Variants in LRP1B observed in about 807,000 individuals in gnomAD.
LRP1B encodes the protein low-density lipoprotein receptor-related protein 1B.
In LRP1B, 217 loss-of-function variants were observed where a neutral mutation model predicts 556.6. That is an observed-to-expected ratio of 0.39 (90% confidence interval 0.35 to 0.44). The LOEUF (loss-of-function observed/expected upper bound fraction) is 0.44, where lower values mean the gene tolerates loss of function less well. Ranked by LOEUF, LRP1B falls within the 20% of genes least tolerant of loss-of-function variation. The probability of loss-of-function intolerance (pLI) is 1.00; values close to 1 mark genes in which losing one functional copy is unlikely to be tolerated. For missense variants in LRP1B, 5,053 were observed against 5,620.8 expected (o/e 0.90, Z 3.23); for synonymous variants, 2,047 against 1,865.8 (o/e 1.10, Z -2.50).
At chr2:140,668,640 A>G (rs1574218176) in intron 41 of LRP1B, among the ~76,000 whole-genome samples, 3 of 152,242 alleles carry the variant, frequency 2.0e-5, no homozygotes, top group African/African-American at 7.2e-5. Flanking sequence ...AATAAACATA[A>G]ATTTTATTTA....
chr2:140,671,413 T>C (rs919762590), intron 41 of LRP1B, among the ~76,000 whole-genome samples: 7 of 152,092 alleles, frequency 4.6e-5, no homozygotes, highest in African/African-American at 9.7e-5. Flanking sequence ...ACCAGCTACT[T>C]GGGAGGCTGA....
In LRP1B at chr2:141,062,069, A is replaced by G. The variant is rs1699351272; in HGVS notation, c.1218T>C (p.Thr406=). 6.2e-7 allele frequency: 1 copy of G among 1,611,646 alleles called. No individual in the cohort carries two copies. The highest frequency in any genetic ancestry group is 8.5e-7 in the Non-Finnish European group (1 of 1,178,352). ...VVDYQGKNRH[T]VIQGRQVRHL... is the part of the protein sequence containing the mutation. The stretch of plus-strand genomic sequence containing the variant: ...TACTTACTTGTCTGCCTTGAATGAC[A>G]GTGTGTCTATTTTTTCCTTGATAGT... Residue 406 remains threonine, a synonymous_variant, in exon 8 of 91, where the codon ACT becomes ACC. Coordinates refer to ENST00000389484, the MANE Select transcript of LRP1B (RefSeq NM_018557.3).
chr2:141,055,223 A>T lies in LRP1B; in HGVS notation c.1445T>A (p.Met482Lys), dbSNP rs2105456097. The change falls in exon 10 of 91, where the codon ATG becomes AAG. Residue 482 changes from methionine (M) to lysine (K), a missense_variant. Met to Lys is a moderately conservative substitution (Grantham distance 95, BLOSUM62 -1). This residue lies in a region of LRP1B where 3,619 missense variants were observed against 3,931.9 expected (regional missense o/e 0.92). Transcript: ENST00000389484. ...ACAGATGTGTGAACAGCCCCCTGGC[A>T]TTCCATATGGATCGACTTCACATGC... ...SHACEVDPYG[M>K]PGGCSHICLL... 1 of 1,611,482 alleles carries T rather than the reference A, an allele frequency of 6.2e-7. No homozygotes were observed. The highest frequency in any genetic ancestry group is 8.5e-7 in the Non-Finnish European group (1 of 1,178,584).
chr2:140,866,178 G>A (rs1441742454), intron 27 of LRP1B, among the ~76,000 whole-genome samples: 1 of 152,056 alleles, frequency 6.6e-6, no homozygotes. Flanking sequence ...ATACAGTTGT[G>A]TAAATAATTT....
intron 2 of LRP1B, among the ~76,000 whole-genome samples, chr2:141,544,722 G>C (rs971943468): frequency 6.6e-6 from 1 of 151,908 alleles, no homozygotes; most frequent in African/African-American, 2.4e-5. Context: ...CTGGAGTGCA[G>C]TGGGATGATC....
intron 32 of LRP1B, among the ~76,000 whole-genome samples, chr2:140,781,208 T>G (rs897620933): frequency 1.6e-4 from 25 of 152,156 alleles, no homozygotes; most frequent in African/African-American, 5.8e-4. Context: ...CAAGGACCAT[T>G]AGGACTCAGA....
chr2:141,368,851 A>G (rs72979101), intron 3 of LRP1B, among the ~76,000 whole-genome samples: 9,722 of 152,190 alleles, frequency 0.064, 427 homozygotes, highest in African/African-American at 0.11. Flanking sequence ...ACAGGTGCAT[A>G]GTATTAATAA....
chr2:140,256,425 GTTTTC>G (rs1195060551), intron 86 of LRP1B, among the ~76,000 whole-genome samples: 3 of 68,536 alleles, frequency 4.4e-5, no homozygotes, highest in African/African-American at 1.5e-4. Flanking sequence ...TGGTTTTATG[GTTTTC>G]TTTTCTCTTT....
chr2:140,843,484 G>A (rs866391218), intron 29 of LRP1B, among the ~76,000 whole-genome samples: 1 of 151,884 alleles, frequency 6.6e-6, no homozygotes, highest in Non-Finnish European at 1.5e-5. Context: ...TTTCCATATA[G>A]CGTGACTATA....
At chr2:141,306,836 T>A (rs1686609561) in intron 3 of LRP1B, among the ~76,000 whole-genome samples, 1 of 152,138 alleles carries the variant, frequency 6.6e-6, no homozygotes, top group South Asian at 2.1e-4. Context: ...GAAATTTTTT[T>A]ATTTTCTCCT....
intron 3 of LRP1B, among the ~76,000 whole-genome samples, chr2:141,355,412 A>G (rs1405961089): frequency 2.0e-5 from 3 of 152,048 alleles, no homozygotes; most frequent in Non-Finnish European, 4.4e-5. Flanking sequence ...CTAATTTGAG[A>G]ACATTTTCGA....
intron 35 of LRP1B, among the ~76,000 whole-genome samples, chr2:140,725,907 A>T (rs1227689798): frequency 6.6e-6 from 1 of 152,068 alleles, no homozygotes; most frequent in Non-Finnish European, 1.5e-5. Flanking sequence ...CAACCTTAGC[A>T]ACCAGTTTGC....
intron 35 of LRP1B, among the ~76,000 whole-genome samples, chr2:140,722,336 C>T (rs925320478): frequency 1.3e-5 from 2 of 152,190 alleles, no homozygotes; most frequent in African/African-American, 2.4e-5. Context: ...ATCATTTCTA[C>T]TGGATACCTA....
chr2:140,856,303 C>A (rs901049813), intron 27 of LRP1B, among the ~76,000 whole-genome samples: 3 of 152,132 alleles, frequency 2.0e-5, no homozygotes, highest in Admixed American at 2.0e-4. Context: ...ATCTTTCTGC[C>A]GTAAAACATT....
At chr2:141,211,308 A>AAAC (rs1481885085) in intron 6 of LRP1B, among the ~76,000 whole-genome samples, 1 of 150,968 alleles carries the variant, frequency 6.6e-6, no homozygotes, top group East Asian at 1.9e-4. Flanking sequence ...TTTTTTTAAA[A>AAAC]AAAAAAAACA....
At chr2:142,024,426 G>C (rs898759164) in intron 1 of LRP1B, among the ~76,000 whole-genome samples, 1 of 152,056 alleles carries the variant, frequency 6.6e-6, no homozygotes, top group African/African-American at 2.4e-5. Context: ...GTAGCTCTAG[G>C]GTGAGTTCCC....
intron 7 of LRP1B, among the ~76,000 whole-genome samples, chr2:141,155,243 G>A (rs574058321): frequency 1.3e-5 from 2 of 151,680 alleles, no homozygotes; most frequent in African/African-American, 4.8e-5. Context: ...ATATACATTA[G>A]TAATAAAAAT....
In LRP1B at chr2:141,332,206, C is replaced by CTGA. The variant is rs147914931; in HGVS notation, c.344-77568_344-77566dup. Among the ~76,000 whole-genome samples, 387 of 152,092 alleles carry CTGA rather than the reference C, an allele frequency of 2.5e-3. 1 individual carries two copies. Among genetic ancestry groups the CTGA allele is most frequent in the African/African-American group, 8.8e-3 (367 of 41,512 alleles). ...GTCTACCTATTTCCTAACACAAATC[C>CTGA]TGATGACTTGTTACATTAATTAATT... On this transcript the variant is annotated intron_variant, in intron 3 of 90. Transcript: ENST00000389484.
At chr2:141,206,565 C>T (rs1031380652) in intron 6 of LRP1B, among the ~76,000 whole-genome samples, 1 of 151,096 alleles carries the variant, frequency 6.6e-6, no homozygotes, top group Non-Finnish European at 1.5e-5. Flanking sequence ...CCAGCCTGGG[C>T]GACAGAGCAA....
Sources: gnomAD v4.1 joint callset for allele counts (sites outside exome capture counted in the v4.1 genomes callset) on GRCh38, gnomAD v4.1.1 for gene constraint, gnomAD v4.1.1 regional missense constraint, MANE v1.5 for transcripts, NCBI Gene and HGNC (gene_info 2026-07-23, HGNC 2026-07-21) for gene names.